The following UNC5D variants were observed in gnomAD, a reference collection of about 807,000 sequenced individuals.
UNC5D encodes netrin receptor UNC5D.
Under a neutral mutation model 105.4 loss-of-function variants are expected in UNC5D, and 39 were observed. The ratio of observed to expected loss-of-function variants is 0.37; its 90% CI spans 0.29 to 0.48. The LOEUF is 0.48. Among genes scored for constraint, UNC5D ranks in the 20% least tolerant of loss-of-function variants. The pLI, the probability that UNC5D is intolerant of heterozygous loss-of-function variation, is 0.98. For missense variants in UNC5D, 991 were observed against 1,202.4 expected, an observed-to-expected ratio of 0.82 and a Z score of 2.60; for synonymous variants, 452 against 450.4, an observed-to-expected ratio of 1.00 and a Z score of -0.04.
At chr8:35,395,108 C>T (rs1367398769) in intron 1 of UNC5D, among the ~76,000 whole-genome samples, 2 of 152,160 alleles carry the variant, frequency 1.3e-5, no homozygotes, top group Non-Finnish European at 2.9e-5. Context: ...GCATAGAACT[C>T]GTGGGAAATT....
chr8:35,417,921 G>A (rs1464200432), intron 1 of UNC5D, among the ~76,000 whole-genome samples: 2 of 152,038 alleles, frequency 1.3e-5, no homozygotes, highest in African/African-American at 4.8e-5. Context: ...TCAGTGGAGG[G>A]GAGATGATGG....
At chr8:35,745,781 T>G (rs1829973296) in intron 11 of UNC5D, among the ~76,000 whole-genome samples, 1 of 152,192 alleles carries the variant, frequency 6.6e-6, no homozygotes, top group Admixed American at 6.5e-5. Context: ...CACACTAGGG[T>G]GTATGATACA....
intron 1 of UNC5D, among the ~76,000 whole-genome samples, chr8:35,397,817 G>A (rs1804202148): frequency 6.6e-6 from 1 of 152,122 alleles, no homozygotes; most frequent in Admixed American, 6.5e-5. Flanking sequence ...TCCACCAAGA[G>A]CCTGAGACTT....
At chr8:35,267,934 G>C (rs989137610) in intron 1 of UNC5D, among the ~76,000 whole-genome samples, 17 of 151,900 alleles carry the variant, frequency 1.1e-4, no homozygotes, top group Admixed American at 3.3e-4. Context: ...AAAAAAGAAA[G>C]ACAAAACTAC....
chr8:35,350,591 C>T (rs1325525731), intron 1 of UNC5D, among the ~76,000 whole-genome samples: 1 of 151,940 alleles, frequency 6.6e-6, no homozygotes, highest in Non-Finnish European at 1.5e-5. Flanking sequence ...ATTTCAAAAC[C>T]TCTAGCTTTA....
chr8:35,690,123 T>C (rs1047675002), intron 7 of UNC5D, among the ~76,000 whole-genome samples: 2 of 152,232 alleles, frequency 1.3e-5, no homozygotes, highest in Non-Finnish European at 2.9e-5. Context: ...CTAGCCTTCA[T>C]TGTATGCATA....
intron 1 of UNC5D, among the ~76,000 whole-genome samples, chr8:35,352,945 C>T (rs560769734): frequency 5.3e-5 from 8 of 152,008 alleles, no homozygotes; most frequent in African/African-American, 1.9e-4. Flanking sequence ...GGCACCTGAC[C>T]GATATACTTT....
intron 1 of UNC5D, among the ~76,000 whole-genome samples, chr8:35,399,591 C>T (rs1563379393): frequency 6.6e-6 from 1 of 152,080 alleles, no homozygotes; most frequent in Admixed American, 6.5e-5. Context: ...TGCATGCATA[C>T]ATATGTCAAA....
Position 35,491,916 on chromosome 8 carries a change from CT to C in UNC5D, c.104-57372del, listed in dbSNP as rs1413452479. The stretch of plus-strand genomic sequence containing the variant: ...AGTTATTGAGTCCCTTCTTCCTTAG[CT>C]TTTCCTTTTGCCCATTTTCTTCTCA... On this transcript the variant is annotated intron_variant, in intron 1 of 16. Coordinates refer to ENST00000404895, the MANE Select transcript of UNC5D (RefSeq NM_080872.4). Among the ~76,000 whole-genome samples the C allele has an allele frequency of 1.3e-5, 2 of 152,128 alleles. 1 individual carries two copies. The highest frequency in any genetic ancestry group is 2.9e-5 in the Non-Finnish European group (2 of 68,012).
At chr8:35,527,546 GTTTTCTTTTT>G (rs1586051956) in intron 1 of UNC5D, among the ~76,000 whole-genome samples, 1 of 151,840 alleles carries the variant, frequency 6.6e-6, no homozygotes, top group Non-Finnish European at 1.5e-5. Context: ...TGTTTCTCCT[GTTTTCTTTTT>G]TTTTCTTTTT....
rs1563489749 is a variant in UNC5D, at chr8:35,513,871, T to C, written c.104-35421T>C. ...GAAAAGTTTGCTTTCTAAAACCAAA[T>C]GATGCAGTAAACTGGCAATTTTGTT... On this transcript the variant is annotated intron_variant, in intron 1 of 16. Coordinates refer to ENST00000404895, the MANE Select transcript of UNC5D (RefSeq NM_080872.4). 2.6e-5 allele frequency among the ~76,000 whole-genome samples: 4 copies of C among 152,350 alleles called. No individual in the cohort carries two copies. The South Asian group carries it at 6.2e-4, about 24-fold the overall frequency.
rs1387331588 is a variant in UNC5D at position 35,512,526 on chromosome 8, TTCAG to T, written c.104-36765_104-36762del. On this transcript the variant is annotated intron_variant, in intron 1 of 16. Transcript: ENST00000404895. Reference sequence around the variant, plus strand: ...TATATATATCTGCATAGATTATATATTCAGATATGTATGTATATATATATATATA... The same window carrying T: ...TATATATATCTGCATAGATTATATATATATGTATGTATATATATATATATA... Among the ~76,000 whole-genome samples, 25 of 91,160 alleles carry T rather than the reference TTCAG, an allele frequency of 2.7e-4. 1 individual carries two copies. The highest frequency in any genetic ancestry group is 7.7e-4 in the African/African-American group (15 of 19,462). 59.8% of individuals were successfully genotyped at this position (91,160 alleles called of 152,430 possible).
intron 4 of UNC5D, among the ~76,000 whole-genome samples, chr8:35,612,723 C>CTTTTTTTT (rs57450378): frequency 3.0e-3 from 194 of 64,718 alleles, no homozygotes; most frequent in South Asian, 5.9e-3. Context: ...AATGTTTTGC[C>CTTTTTTTT]TTTTTTTTTT....
At chr8:35,569,563 T>C (rs1817587198) in intron 3 of UNC5D, among the ~76,000 whole-genome samples, 1 of 152,220 alleles carries the variant, frequency 6.6e-6, no homozygotes, top group Admixed American at 6.5e-5. Flanking sequence ...TGAGTTCTGA[T>C]AGGCCAGGGA....
intron 3 of UNC5D, among the ~76,000 whole-genome samples, chr8:35,587,187 C>G (rs780318700): frequency 6.6e-5 from 10 of 152,112 alleles, no homozygotes; most frequent in Non-Finnish European, 8.8e-5. Flanking sequence ...TGTTGGCATT[C>G]TGCTGTGGAA....
At chr8:35,532,175 C>A (rs1397059056) in intron 1 of UNC5D, among the ~76,000 whole-genome samples, 4 of 147,328 alleles carry the variant, frequency 2.7e-5, no homozygotes, top group African/African-American at 7.6e-5. Context: ...GATTTTGCAG[C>A]GGCTGGTACC....
At chr8:35,681,380 G>A (rs1825654606) in intron 4 of UNC5D, among the ~76,000 whole-genome samples, 1 of 152,188 alleles carries the variant, frequency 6.6e-6, no homozygotes, top group Non-Finnish European at 1.5e-5. Context: ...TCCAGTGAAA[G>A]AAGAGATCAT....
chr8:35,556,567 G>A (rs1326247346), intron 2 of UNC5D, among the ~76,000 whole-genome samples: 4 of 152,180 alleles, frequency 2.6e-5, no homozygotes, highest in Non-Finnish European at 5.9e-5. Context: ...GACAGAATAG[G>A]ATGTTCCTGA....
intron 1 of UNC5D, among the ~76,000 whole-genome samples, chr8:35,381,207 T>C (rs1230628228): frequency 6.6e-6 from 1 of 152,146 alleles, no homozygotes; most frequent in Non-Finnish European, 1.5e-5. Context: ...AGAGAAAACG[T>C]CTAGGAATTT....
Sources: allele counts gnomAD v4.1 joint callset (sites outside exome capture counted in the v4.1 genomes callset), GRCh38; gene constraint gnomAD v4.1.1; transcripts MANE v1.5; gene names NCBI Gene and HGNC (gene_info 2026-07-23, HGNC 2026-07-21).